PARP4: variants seen among roughly 807,000 people sequenced by gnomAD.
PARP4 encodes the protein protein mono-ADP-ribosyltransferase PARP4.
Under a neutral mutation model 187.7 loss-of-function variants are expected in PARP4, and 120 were observed. The observed-to-expected ratio is 0.64, with a 90% confidence interval of 0.55 to 0.74. The LOEUF (loss-of-function observed/expected upper bound fraction) is 0.74, where lower values mean the gene tolerates loss of function less well. Ranked by LOEUF, PARP4 falls within the 30% of genes least tolerant of loss-of-function variation. PARP4 has a pLI of 0.00. For missense variants in PARP4, 1,836 were observed against 2,070.5 expected (o/e 0.89, Z 2.20); for synonymous variants, 654 against 740.9 (o/e 0.88, Z 1.90).
rs1868859318 is a variant in PARP4 at position 24,494,873 on chromosome 13, C to A, written c.592-151G>T. ...TTAAATTTTAAATTCTTTTTCTTTTCTTTTTCTTTTTTTTTTGAGACAGGG... is the reference window on the plus strand; with the variant it reads ...TTAAATTTTAAATTCTTTTTCTTTTATTTTTCTTTTTTTTTTGAGACAGGG... On this transcript the variant is annotated intron_variant, in intron 6 of 33. Coordinates refer to ENST00000381989, the MANE Select transcript of PARP4 (RefSeq NM_006437.4). 7 of 535,424 alleles carry A rather than the reference C, an allele frequency of 1.3e-5. No individual in the cohort carries two copies. The South Asian group carries it at 1.6e-4, about 13-fold the overall frequency. The allele number at this position is 535,424 out of a possible 1,614,324, so 33.2% of individuals were successfully genotyped here.
chr13:24,491,455 G>T (rs1458859552), intron 9 of PARP4, among the ~76,000 whole-genome samples: 1 of 152,184 alleles, frequency 6.6e-6, no homozygotes, highest in Non-Finnish European at 1.5e-5. Flanking sequence ...GTAAATCATA[G>T]AATTTTAAAT....
rs1473068901 is a variant in PARP4, at chr13:24,435,138, T to C, written c.4003A>G (p.Ser1335Gly). The C allele has an allele frequency of 1.5e-5, 24 of 1,614,028 alleles. No homozygotes were observed. The highest frequency in any genetic ancestry group is 2.7e-5 in the African/African-American group (2 of 74,904). ...GAGGCAAAAGACAAGGAAGCAGGAC[T>C]GTGAGCGCGGGCAGTCGGGGGAAGA... ...SYLPPTARAH[S>G]PASLSFASYR... The change falls in exon 31 of 34, where the codon AGT (serine) becomes GGT (glycine). Residue 1335 changes from serine (S) to glycine (G), a missense_variant. Ser to Gly is a moderately conservative substitution (Grantham distance 56). Transcript: ENST00000381989.
At chr13:24,466,207 CAG>C (rs1412106558) in intron 17 of PARP4, among the ~76,000 whole-genome samples, 4 of 152,252 alleles carry the variant, frequency 2.6e-5, no homozygotes, top group African/African-American at 7.2e-5. Context: ...TTTTTTGAGA[CAG>C]GGTCTCGCTT....
chr13:24,442,134 T>C (rs1477356772), intron 29 of PARP4, among the ~76,000 whole-genome samples, 166 bp from the exon 30 acceptor site: 11 of 150,648 alleles, frequency 7.3e-5, no homozygotes, highest in African/African-American at 2.7e-4. Context: ...GTGGAGTGGC[T>C]TTCCTCTTTA....
rs564474539 is a variant in PARP4, at chr13:24,434,633, T to C, written c.4508A>G (p.Glu1503Gly). ...ACTTCCTTCGAGACTGCCTACTGAT[T>C]CTTCTAGAAGACAGAGATCTACTGG... is the stretch of plus-strand genomic sequence containing the variant. ...TTPVDLCLLE[E>G]SVGSLEGSRC... is the part of the protein sequence containing the mutation. The change falls in exon 31 of 34, where the codon GAA becomes GGA. Residue 1503 changes from glutamate (E) to glycine (G), a missense_variant. This residue lies in a region of PARP4 where 450 missense variants were observed against 439.2 expected (regional missense o/e 1.02). Coordinates refer to ENST00000381989, the MANE Select transcript of PARP4 (RefSeq NM_006437.4). The C allele has an allele frequency of 3.1e-6, 5 of 1,612,544 alleles. No individual in the cohort carries two copies. The South Asian group carries it at 4.4e-5, about 14-fold the overall frequency.
chr13:24,458,880 C>CT (rs2137481216), intron 20 of PARP4, among the ~76,000 whole-genome samples, 164 bp downstream of exon 20: 1 of 152,336 alleles, frequency 6.6e-6, no homozygotes, highest in East Asian at 1.9e-4. Flanking sequence ...AAATGATTCA[C>CT]TGTCTCTGGA....
At position 24,435,068 on chromosome 13, in the gene PARP4, TGTCTGG is replaced by T; in HGVS notation, c.4067_4072del (p.Pro1356_Arg1357del). On this transcript the variant is annotated inframe_deletion, in exon 31 of 34. Transcript: ENST00000381989. Reference sequence around the variant, plus strand: ...TTGGCTGAATTGAGATGCATCAAACTGTCTGGGAGGAGCAGCTGAACCGAAACTAGC... The same window carrying T: ...TTGGCTGAATTGAGATGCATCAAACTGAGGAGCAGCTGAACCGAAACTAGC... The T allele has an allele frequency of 6.2e-7, 1 of 1,614,094 alleles. No individual in the cohort carries two copies. The highest frequency in any genetic ancestry group is 8.5e-7 in the Non-Finnish European group (1 of 1,180,030).
Position 24,499,309 on chromosome 13 carries a change from A to C in PARP4, c.469T>G (p.Leu157Val). The C allele has an allele frequency of 6.5e-7, 1 of 1,547,224 alleles. No homozygotes were observed. Among genetic ancestry groups the C allele is most frequent in the Non-Finnish European group, 8.7e-7 (1 of 1,152,238 alleles). ...AGAAATCAGATTCTTACTTTCTCCAAGGTGTTATATTTTGCAACTTCAAAA... is the reference window on the plus strand; with the variant it reads ...AGAAATCAGATTCTTACTTTCTCCACGGTGTTATATTTTGCAACTTCAAAA... ...QDFEVAKYNTLEKVGMEGGQE... is the reference protein window; with the variant it reads ...QDFEVAKYNTVEKVGMEGGQE... The change falls in exon 5 of 34, where the codon TTG becomes GTG. Residue 157 changes from leucine to valine, a missense_variant. Physicochemically the swap from Leu to Val is conservative, Grantham distance 32 (BLOSUM62 1). Around this residue, in one of 8 missense-constraint regions of PARP4, gnomAD observed 1,147 missense variants for 1,214.2 expected, o/e 0.94. Transcript: ENST00000381989.
At position 24,492,043 on chromosome 13, in the gene PARP4, T is replaced by C. The variant is rs573738325; in HGVS notation, c.1053+378A>G. On this transcript the variant is annotated intron_variant, in intron 9 of 33. Transcript: ENST00000381989. Reference sequence around the variant, plus strand: ...TGACACACTGAGTCTCGGGGTGACCTGGGCCAGCAGGCAGCCCACAGCTGG... The same window carrying C: ...TGACACACTGAGTCTCGGGGTGACCCGGGCCAGCAGGCAGCCCACAGCTGG... Among the ~76,000 whole-genome samples the C allele has an allele frequency of 3.9e-5, 6 of 152,282 alleles. No individual in the cohort carries two copies. The South Asian group carries it at 1.0e-3, about 26-fold the overall frequency.
chr13:24,469,879 A>G lies in PARP4; in HGVS notation c.2046+15T>C, dbSNP rs200934028. ...TGAAAGCCGAGAGCGGGCACGATGC[A>G]TCTTCTTGCCTTACCTCTCCAACTA... On this transcript the variant is annotated intron_variant, in intron 16 of 33. Transcript: ENST00000381989. 4.3e-4 allele frequency: 696 copies of G among 1,607,658 alleles called. No homozygotes were observed. The highest frequency in any genetic ancestry group is 5.8e-4 in the Non-Finnish European group (678 of 1,176,668).
At chr13:24,487,070 G>T (rs1371257265) in intron 10 of PARP4, among the ~76,000 whole-genome samples, 2 of 149,882 alleles carry the variant, frequency 1.3e-5, no homozygotes, top group Non-Finnish European at 3.0e-5. Context: ...GACCATCCTA[G>T]CCAACATGGT....
chr13:24,467,559 C>A (rs1872534483), intron 17 of PARP4, among the ~76,000 whole-genome samples: 2 of 152,034 alleles, frequency 1.3e-5, no homozygotes, highest in Non-Finnish European at 2.9e-5. Context: ...GCCTTGGCCT[C>A]CAAAAGTGCT....
intron 3 of PARP4, 44 bp from the exon 4 acceptor site, chr13:24,500,426 CT>C: frequency 8.1e-7 from 1 of 1,230,130 alleles, no homozygotes; most frequent in Non-Finnish European, 1.2e-6. Flanking sequence ...TGCCCAAAGA[CT>C]TACTATAATT....
chr13:24,496,374 A>C (rs1174375664), intron 6 of PARP4, among the ~76,000 whole-genome samples: 4 of 152,158 alleles, frequency 2.6e-5, no homozygotes, highest in Admixed American at 6.5e-5. Flanking sequence ...ATGGCATGTC[A>C]GCTGTAATAG....
intron 32 of PARP4, among the ~76,000 whole-genome samples, chr13:24,429,539 T>C (rs553022307): frequency 6.8e-4 from 103 of 152,372 alleles, no homozygotes; most frequent in Non-Finnish European, 4.4e-4. Flanking sequence ...CTTATCCCTA[T>C]GTCCTGGGGT....
intron 33 of PARP4, among the ~76,000 whole-genome samples, chr13:24,422,894 A>C (rs1263335101): frequency 6.6e-6 from 1 of 152,184 alleles, no homozygotes; most frequent in Non-Finnish European, 1.5e-5. Context: ...GCTGTGAGTC[A>C]CCGTGTCTGG....
Position 24,460,039 on chromosome 13 carries a change from C to A in PARP4, c.2231G>T (p.Gly744Val), listed in dbSNP as rs1872125892. 2 of 1,613,906 alleles carry A rather than the reference C, an allele frequency of 1.2e-6. No homozygotes were observed. Among genetic ancestry groups the A allele is most frequent in the South Asian group, 1.1e-5 (1 of 91,074 alleles). The change falls in exon 18 of 34, where the codon GGT (glycine) becomes GTT (valine). Residue 744 changes from glycine (G) to valine (V), a missense_variant. By Grantham distance (109) the Gly-to-Val change is moderately radical. Around this residue, in one of 8 missense-constraint regions of PARP4, gnomAD observed 1,147 missense variants for 1,214.2 expected, o/e 0.94. Transcript: ENST00000381989. ...ITELSILGTV[G>V]VFFMPATVAP... The stretch of plus-strand genomic sequence containing the variant: ...TACGGTGGCGGGCATGAAAAAGACA[C>A]CAACAGTGCCCAGGATGCTGAGTTC...
At chr13:24,449,693 A>G in intron 25 of PARP4, 25 bp downstream of exon 25, 1 of 1,179,314 alleles carries the variant, frequency 8.5e-7, no homozygotes, top group Non-Finnish European at 1.3e-6. Context: ...ACATAAATAT[A>G]AAACCAGATG....
chr13:24,441,390 T>C (rs1339763792), intron 30 of PARP4, among the ~76,000 whole-genome samples: 1 of 152,242 alleles, frequency 6.6e-6, no homozygotes, highest in African/African-American at 2.4e-5. Flanking sequence ...TTCCTTTGTT[T>C]TTGAATTTTT....
Sources: gnomAD v4.1 joint callset for allele counts (sites outside exome capture counted in the v4.1 genomes callset) on GRCh38, gnomAD v4.1.1 for gene constraint, gnomAD v4.1.1 regional missense constraint, MANE v1.5 for transcripts, NCBI Gene and HGNC (gene_info 2026-07-23, HGNC 2026-07-21) for gene names.